SPON1: variants seen among roughly 807,000 people sequenced by gnomAD.
SPON1 encodes spondin 1, also known as spondin-1.
A neutral mutation model predicts 111.7 loss-of-function variants in SPON1; 52 were observed. The observed-to-expected ratio is 0.47, with a 90% CI of 0.37 to 0.59. SPON1 has a LOEUF of 0.59. Ranked by LOEUF, SPON1 falls within the 20% of genes least tolerant of loss-of-function variation. SPON1 has a pLI of 0.00. For synonymous variants in SPON1, 410 were observed against 395.8 expected, an observed-to-expected ratio of 1.04 and a Z score of -0.43; for missense variants, 957 against 1,068.5, an observed-to-expected ratio of 0.90 and a Z score of 1.46.
intron 6 of SPON1, among the ~76,000 whole-genome samples, chr11:14,225,397 ATCCAAACAGCATCCTCTC>A (rs1369930540): frequency 2.0e-5 from 3 of 152,100 alleles, no homozygotes; most frequent in Non-Finnish European, 4.4e-5. Flanking sequence ...CATAGTTTCG[ATCCAAACAGCATCCTCTC>A]TCCTTACTGC....
chr11:13,983,170 G>T (rs895852944), intron 2 of SPON1, among the ~76,000 whole-genome samples: 1 of 152,284 alleles, frequency 6.6e-6, no homozygotes, highest in African/African-American at 2.4e-5. Flanking sequence ...TGTCTCAGCA[G>T]ATCACGGGGC....
chr11:14,243,920 G>T (rs188315546), intron 7 of SPON1, among the ~76,000 whole-genome samples: 1 of 152,150 alleles, frequency 6.6e-6, no homozygotes, highest in Non-Finnish European at 1.5e-5. Context: ...TGGTATATCC[G>T]TCAGGTTTTT....
chr11:14,095,585 G>A (rs79461940), intron 5 of SPON1, among the ~76,000 whole-genome samples: 1,760 of 152,236 alleles, frequency 0.012, 33 homozygotes, highest in African/African-American at 0.04. Flanking sequence ...TGAGAACAAA[G>A]GGAGCCAATG....
intron 2 of SPON1, among the ~76,000 whole-genome samples, chr11:14,034,264 A>G (rs782403991): frequency 2.0e-5 from 3 of 152,242 alleles, no homozygotes; most frequent in Non-Finnish European, 4.4e-5. Flanking sequence ...ATTACTAGAC[A>G]CAACCACTCC....
chr11:14,078,741 A>G (rs1174863450), intron 4 of SPON1, among the ~76,000 whole-genome samples: 4 of 152,198 alleles, frequency 2.6e-5, no homozygotes, highest in African/African-American at 7.2e-5. Context: ...TAGCATTGTT[A>G]GGATTAAACG....
chr11:14,241,445 G>A (rs1418056126), intron 6 of SPON1, among the ~76,000 whole-genome samples: 1 of 152,166 alleles, frequency 6.6e-6, no homozygotes, highest in African/African-American at 2.4e-5. Context: ...AGAAGATACT[G>A]GAGATGGGGT....
intron 2 of SPON1, 62 bp downstream of exon 2, chr11:13,983,015 G>A: frequency 1.7e-6 from 2 of 1,175,290 alleles, no homozygotes; most frequent in Non-Finnish European, 2.5e-6. Context: ...AGGCTGGAGA[G>A]GTACAAGTGT....
At chr11:14,231,104 T>C (rs1405311512) in intron 6 of SPON1, among the ~76,000 whole-genome samples, 2 of 151,214 alleles carry the variant, frequency 1.3e-5, no homozygotes, top group Non-Finnish European at 2.9e-5. Context: ...TGAGCCACTG[T>C]GCCCAGCCGC....
chr11:14,053,683 A>T lies in SPON1; in HGVS notation c.479+12029A>T, dbSNP rs564468628. Among the ~76,000 whole-genome samples, 50 of 152,294 alleles carry T rather than the reference A, an allele frequency of 3.3e-4. 2 individuals carry two copies. The South Asian group carries it at 0.01, about 31-fold the overall frequency. On this transcript the variant is annotated intron_variant, in intron 3 of 15. Transcript: ENST00000576479. ...GGAGATAATTGGCATGTTGCCTCACACCTAAGTCCCACACCATCCATAGGA... is the reference window on the plus strand; with the variant it reads ...GGAGATAATTGGCATGTTGCCTCACTCCTAAGTCCCACACCATCCATAGGA...
intron 2 of SPON1, among the ~76,000 whole-genome samples, chr11:13,988,820 C>T (rs1848205357): frequency 6.6e-6 from 1 of 151,994 alleles, no homozygotes; most frequent in South Asian, 2.1e-4. Context: ...TGTTTTTTGT[C>T]ATTGGTTCTG....
intron 2 of SPON1, among the ~76,000 whole-genome samples, chr11:14,025,992 A>T (rs1231404479): frequency 6.6e-6 from 1 of 152,112 alleles, no homozygotes; most frequent in Non-Finnish European, 1.5e-5. Flanking sequence ...ACAACAGCTG[A>T]TTCTCCAGCT....
At chr11:14,151,968 C>G (rs868906276) in intron 6 of SPON1, among the ~76,000 whole-genome samples, 1 of 152,162 alleles carries the variant, frequency 6.6e-6, no homozygotes, top group African/African-American at 2.4e-5. Flanking sequence ...TGCCAGAATA[C>G]CTTTCCAACT....
intron 6 of SPON1, among the ~76,000 whole-genome samples, chr11:14,164,787 G>T (rs545947822): frequency 2.0e-5 from 3 of 152,224 alleles, no homozygotes; most frequent in East Asian, 3.9e-4. Context: ...CTTGGTGGGT[G>T]GGGGGAAGCT....
chr11:14,063,309 C>G (rs1848805866), intron 3 of SPON1, among the ~76,000 whole-genome samples: 1 of 152,160 alleles, frequency 6.6e-6, no homozygotes, highest in African/African-American at 2.4e-5. Context: ...AAAAATTCAT[C>G]ATTTACATTC....
At chr11:14,225,512 T>C (rs1848728084) in intron 6 of SPON1, among the ~76,000 whole-genome samples, 1 of 152,230 alleles carries the variant, frequency 6.6e-6, no homozygotes, top group African/African-American at 2.4e-5. Context: ...CTATTTATTT[T>C]CTTCCTTTTG....
At chr11:14,193,771 C>G (rs1848372105) in intron 6 of SPON1, among the ~76,000 whole-genome samples, 1 of 152,202 alleles carries the variant, frequency 6.6e-6, no homozygotes, top group African/African-American at 2.4e-5. Context: ...GCCTCTCAGA[C>G]AGTCTATACT....
At chr11:14,196,742 A>G (rs1322092197) in intron 6 of SPON1, among the ~76,000 whole-genome samples, 1 of 152,196 alleles carries the variant, frequency 6.6e-6, no homozygotes, top group Non-Finnish European at 1.5e-5. Context: ...ACTTTTGAGT[A>G]GAGAATTTTT....
Position 14,228,050 on chromosome 11 carries a change from G to A in SPON1, c.826-15282G>A, listed in dbSNP as rs76873472. 4.6e-3 allele frequency among the ~76,000 whole-genome samples: 705 copies of A among 152,256 alleles called. 4 individuals carry two copies. The highest frequency in any genetic ancestry group is 0.016 in the African/African-American group (665 of 41,552). On this transcript the variant is annotated intron_variant, in intron 6 of 15. Coordinates refer to ENST00000576479, the MANE Select transcript of SPON1 (RefSeq NM_006108.4). The surrounding 1 kb of genome is among the most constrained non-coding windows in gnomAD (Gnocchi z 4.2). ...TACTAATAATAACACAAATAAAACT[G>A]CAAACACTTTAAATGCTAATTAAGA... is the stretch of plus-strand genomic sequence containing the variant.
chr11:14,175,065 A>G (rs1240483574), intron 6 of SPON1, among the ~76,000 whole-genome samples: 1 of 151,934 alleles, frequency 6.6e-6, no homozygotes, highest in Admixed American at 6.6e-5. Context: ...GACTCAATAA[A>G]TGGCAAAGTT....
Sources: allele counts gnomAD v4.1 joint callset (sites outside exome capture counted in the v4.1 genomes callset), GRCh38; gene constraint gnomAD v4.1.1; non-coding constraint Gnocchi (gnomAD v3.1); transcripts MANE v1.5; gene names NCBI Gene and HGNC (gene_info 2026-07-23, HGNC 2026-07-21).